ASPH: variants seen among roughly 807,000 people sequenced by gnomAD.
The protein encoded by ASPH is aspartate beta-hydroxylase, also known as aspartyl/asparaginyl beta-hydroxylase.
Under a neutral mutation model 118.4 loss-of-function variants are expected in ASPH, and 100 were observed. The ratio of observed to expected loss-of-function variants is 0.84; its 90% CI spans 0.72 to 1.00. ASPH has a LOEUF of 1.00. ASPH is among the 50% of genes least tolerant of loss of function. The pLI is 0.00. For missense variants in ASPH, 920 were observed against 919.5 expected (o/e 1.00, Z -0.01); for synonymous variants, 315 against 325.6 (o/e 0.97, Z 0.35).
chr8:61,655,204 G>A (rs1813016617), intron 3 of ASPH, among the ~76,000 whole-genome samples: 2 of 152,174 alleles, frequency 1.3e-5, no homozygotes, highest in South Asian at 4.1e-4. Flanking sequence ...ACTCTGCTAA[G>A]TCTAAATGGC....
chr8:61,668,206 C>A, intron 3 of ASPH: 2 of 1,583,028 alleles, frequency 1.3e-6, no homozygotes, highest in Non-Finnish European at 1.7e-6. Context: ...TTGATTCACT[C>A]AAGGCTAATT....
At chr8:61,664,240 A>G (rs1818356690) in intron 3 of ASPH, 1 of 968,086 alleles carries the variant, frequency 1.0e-6, no homozygotes, top group Non-Finnish European at 1.2e-6. Flanking sequence ...TCTCTAGTGA[A>G]GAGATTACAT....
Position 61,502,403 on chromosome 8 carries a change from C to G in ASPH, c.*956G>C, listed in dbSNP as rs1484394142. The G allele has an allele frequency of 6.6e-6, 1 of 152,186 alleles. No individual in the cohort carries two copies. Among genetic ancestry groups the G allele is most frequent in the Non-Finnish European group, 1.5e-5 (1 of 68,036 alleles). The allele number at this position is 152,186 out of a possible 1,614,324, so 9.4% of individuals were successfully genotyped here. A position where few individuals can be genotyped will look rare whatever the true frequency, so the allele number is the denominator to read the frequency against. Reference sequence around the variant, plus strand: ...CTGGCTTCCTGACATTCACATGGATCTACCATAGGCAAAGACACTGTGTTC... The same window carrying G: ...CTGGCTTCCTGACATTCACATGGATGTACCATAGGCAAAGACACTGTGTTC... On this transcript the variant is annotated 3_prime_UTR_variant, in exon 25 of 25. Coordinates refer to ENST00000379454, the MANE Select transcript of ASPH (RefSeq NM_004318.4).
At chr8:61,692,700 C>T (rs2350923) in intron 1 of ASPH, among the ~76,000 whole-genome samples, 100,840 of 151,956 alleles carry the variant, frequency 0.66, 33,633 homozygotes, top group East Asian at 0.73. Context: ...ACTCTGAGCA[C>T]GTCAGAGTCA....
At chr8:61,651,026 CAA>C in intron 5 of ASPH, 22 bp downstream of exon 5, 1 of 1,590,964 alleles carries the variant, frequency 6.3e-7, no homozygotes, top group Middle Eastern at 1.7e-4. Flanking sequence ...TAACTCAAAA[CAA>C]AGAGCAGATT....
At chr8:61,614,852 T>G (rs1049371085) in intron 14 of ASPH, among the ~76,000 whole-genome samples, 1 of 152,172 alleles carries the variant, frequency 6.6e-6, no homozygotes, top group African/African-American at 2.4e-5. Flanking sequence ...CTACTAACTT[T>G]ATATCCAAAT....
At chr8:61,596,901 A>C (rs1198326923) in intron 14 of ASPH, among the ~76,000 whole-genome samples, 1 of 152,240 alleles carries the variant, frequency 6.6e-6, no homozygotes, top group Non-Finnish European at 1.5e-5. Context: ...TTCTGATGAA[A>C]AGGAAATTAT....
chr8:61,510,606 G>A (rs1239240602), intron 24 of ASPH, among the ~76,000 whole-genome samples: 2 of 152,182 alleles, frequency 1.3e-5, no homozygotes, highest in Non-Finnish European at 2.9e-5. Context: ...GCCATTCCCT[G>A]TGGAGGTAGA....
chr8:61,542,233 T>C (rs1306182715), intron 21 of ASPH, among the ~76,000 whole-genome samples: 1 of 152,244 alleles, frequency 6.6e-6, no homozygotes, highest in Non-Finnish European at 1.5e-5. Flanking sequence ...ATGTAATTGC[T>C]GATAAAGTCT....
At chr8:61,566,841 A>G (rs10435605) in intron 17 of ASPH, among the ~76,000 whole-genome samples, 14,413 of 152,300 alleles carry the variant, frequency 0.095, 969 homozygotes, top group East Asian at 0.28. Context: ...CTTTTAAACC[A>G]TAATGTTATT....
intron 24 of ASPH, among the ~76,000 whole-genome samples, chr8:61,509,367 G>A (rs1397915545): frequency 6.6e-6 from 1 of 152,188 alleles, no homozygotes; most frequent in East Asian, 1.9e-4. Flanking sequence ...GCTAAACAAG[G>A]AATGGATTAT....
At chr8:61,667,530 C>G (rs1320372197) in intron 3 of ASPH, among the ~76,000 whole-genome samples, 1 of 152,054 alleles carries the variant, frequency 6.6e-6, no homozygotes, top group Non-Finnish European at 1.5e-5. Flanking sequence ...CCAAGTCCAG[C>G]CAATTTTTGT....
intron 16 of ASPH, among the ~76,000 whole-genome samples, chr8:61,575,035 T>C (rs1834679249): frequency 6.6e-6 from 1 of 152,198 alleles, no homozygotes; most frequent in African/African-American, 2.4e-5. Context: ...GACTTGCTGC[T>C]TTCTCTTGCC....
chr8:61,621,322 CAAAAA>C (rs71559339), intron 13 of ASPH, among the ~76,000 whole-genome samples: 4 of 120,438 alleles, frequency 3.3e-5, no homozygotes, highest in Non-Finnish European at 7.1e-5. Context: ...GCAACTTGAG[CAAAAA>C]AAAAAAAAGA....
chr8:61,587,082 A>C (rs1379972706), intron 14 of ASPH, among the ~76,000 whole-genome samples: 1 of 152,184 alleles, frequency 6.6e-6, no homozygotes. Context: ...TCAAGTAATA[A>C]AGCTGACACT....
chr8:61,690,626 T>C (rs780377221), intron 1 of ASPH, among the ~76,000 whole-genome samples: 2 of 152,184 alleles, frequency 1.3e-5, no homozygotes, highest in Non-Finnish European at 2.9e-5. Context: ...CTGATTAGTA[T>C]ACTAAATTAA....
At chr8:61,585,051 G>A (rs1268369040) in intron 14 of ASPH, among the ~76,000 whole-genome samples, 1 of 152,138 alleles carries the variant, frequency 6.6e-6, no homozygotes, top group East Asian at 1.9e-4. Context: ...TCCTTCACGC[G>A]CTTATCTTAG....
intron 21 of ASPH, among the ~76,000 whole-genome samples, chr8:61,539,702 GTGTGTGTGT>G (rs1563745768): frequency 2.1e-3 from 189 of 88,844 alleles, no homozygotes; most frequent in Non-Finnish European, 2.2e-3. Flanking sequence ...CTTCTGGGGT[GTGTGTGTGT>G]GTGTGTGTGT....
At chr8:61,523,254 C>T (rs1313485269) in intron 22 of ASPH, among the ~76,000 whole-genome samples, 2 of 152,074 alleles carry the variant, frequency 1.3e-5, no homozygotes, top group East Asian at 1.9e-4. Flanking sequence ...GACATGGATG[C>T]CATCCTGCTT....
Sources: gnomAD v4.1 joint callset for allele counts (sites outside exome capture counted in the v4.1 genomes callset) on GRCh38, gnomAD v4.1.1 for gene constraint, MANE v1.5 for transcripts, NCBI Gene and HGNC (gene_info 2026-07-23, HGNC 2026-07-21) for gene names.